Variants in HIRA observed in about 807,000 individuals in gnomAD.
HIRA encodes histone cell cycle regulator.
In HIRA, 13 loss-of-function variants were observed where a neutral mutation model predicts 126.6. The observed-to-expected ratio is 0.10, with a 90% CI of 0.07 to 0.16. The LOEUF is 0.16. Ranked by LOEUF, HIRA falls within the 10% of genes least tolerant of loss-of-function variation. The pLI is 1.00. For missense variants in HIRA, 834 were observed against 1,314.4 expected (o/e 0.63, Z 5.65); for synonymous variants, 511 against 520.0 (o/e 0.98, Z 0.24).
chr22:19,385,430 A>G, intron 12 of HIRA, 91 bp downstream of exon 12: 1 of 1,295,646 alleles, frequency 7.7e-7, no homozygotes, highest in Non-Finnish European at 1.1e-6. Context: ...CACTCTAAAC[A>G]AACCCCTTCC....
At chr22:19,360,867 G>A (rs1395158920) in intron 17 of HIRA, among the ~76,000 whole-genome samples, 1 of 152,244 alleles carries the variant, frequency 6.6e-6, no homozygotes. Flanking sequence ...GATAGATTAT[G>A]ACCACACATT....
chr22:19,337,846 C>G (rs553099302), intron 24 of HIRA, among the ~76,000 whole-genome samples: 2 of 152,114 alleles, frequency 1.3e-5, no homozygotes, highest in African/African-American at 4.8e-5. Flanking sequence ...GGCTGGAGTG[C>G]AGTGGTGCAA....
chr22:19,359,231 C>T (rs1405222715), intron 18 of HIRA, 105 bp downstream of exon 18: 10 of 1,230,294 alleles, frequency 8.1e-6, no homozygotes, highest in Admixed American at 3.1e-5. Context: ...TCTGTGGGAG[C>T]TGGTGCTCCC....
At position 19,358,153 on chromosome 22, in the gene HIRA, C is replaced by T. The variant is rs140185379; in HGVS notation, c.2235-1102G>A. On this transcript the variant is annotated intron_variant, in intron 18 of 24. Transcript: ENST00000263208. Reference sequence around the variant, plus strand: ...TAGCTGGGATTACAGGCACATGCTACCACGCCTGGCTAATTTTTGTATTTT... The same window carrying T: ...TAGCTGGGATTACAGGCACATGCTATCACGCCTGGCTAATTTTTGTATTTT... Among the ~76,000 whole-genome samples, 12 of 152,254 alleles carry T rather than the reference C, an allele frequency of 7.9e-5. 1 individual carries two copies. The East Asian group carries it at 2.3e-3, about 29-fold the overall frequency.
intron 2 of HIRA, among the ~76,000 whole-genome samples, 194 bp downstream of exon 2, chr22:19,410,522 C>G (rs1295417948): frequency 6.6e-6 from 1 of 152,226 alleles, no homozygotes; most frequent in Non-Finnish European, 1.5e-5. Flanking sequence ...AAAATACTTA[C>G]AGAGAGCACA....
intron 15 of HIRA, among the ~76,000 whole-genome samples, chr22:19,370,996 A>G (rs1464888205): frequency 3.9e-5 from 6 of 152,200 alleles, no homozygotes; most frequent in South Asian, 4.1e-4. Context: ...TCTAAGGGCT[A>G]TCCTCCTGGC....
At chr22:19,343,952 T>A (rs2088660194) in intron 24 of HIRA, among the ~76,000 whole-genome samples, 1 of 150,720 alleles carries the variant, frequency 6.6e-6, no homozygotes, top group South Asian at 2.1e-4. Flanking sequence ...CCTCAAGTGA[T>A]CTTCCCACCT....
Position 19,401,935 on chromosome 22 carries a change from C to T in HIRA, c.398-3848G>A, listed in dbSNP as rs551935670. On this transcript the variant is annotated intron_variant, in intron 5 of 24. Transcript: ENST00000263208. The stretch of plus-strand genomic sequence containing the variant: ...CTTGCTCAGAGAAGAGCCTCTGCCA[C>T]GGTCTCAAAGGCACACTGCCTCCCG... Among the ~76,000 whole-genome samples, 3 of 152,298 alleles carry T rather than the reference C, an allele frequency of 2.0e-5. No homozygotes were observed. In the South Asian group the frequency reaches 6.2e-4, roughly 32 times the overall value.
rs371731146 is a variant in HIRA, at chr22:19,347,145, A to G, written c.2937+4213T>C. ...CAGGTTTCTGCCTGCCTCCCACTCT[A>G]GTAGATGGCTCATCGGCCTGTCCTG... On this transcript the variant is annotated intron_variant, in intron 24 of 24. Transcript: ENST00000263208. 1.5e-4 allele frequency among the ~76,000 whole-genome samples: 23 copies of G among 152,300 alleles called. No individual in the cohort carries two copies. In the East Asian group the frequency reaches 3.9e-3, roughly 26 times the overall value.
Position 19,405,855 on chromosome 22 carries a change from C to T in HIRA, c.328G>A (p.Gly110Ser), listed in dbSNP as rs750666438. Residue 110 changes from glycine (G) to serine (S), a missense_variant, in exon 5 of 25, where the codon GGC becomes AGC. This residue lies in a region of HIRA where 102 missense variants were observed against 191.4 expected (regional missense o/e 0.53). Transcript: ENST00000263208. ...ACATTGGCAAGCTTACCACTGGAGC[C>T]GAACACGGTGCTGGGGCCGATGTAC... ...ATYIGPSTVF[G>S]SSGKLANVEQ... 1.9e-5 allele frequency: 28 copies of T among 1,505,946 alleles called. No individual in the cohort carries two copies. Among genetic ancestry groups the T allele is most frequent in the African/African-American group, 1.8e-4 (13 of 70,396 alleles). 93.3% of individuals were successfully genotyped at this position (1,505,946 alleles called of 1,614,324 possible).
In HIRA at chr22:19,396,910, G is replaced by T; in HGVS notation, c.531C>A (p.Val177=). The change falls in exon 7 of 25, where the codon GTC becomes GTA. Residue 177 remains valine, a synonymous_variant. Coordinates refer to ENST00000263208, the MANE Select transcript of HIRA (RefSeq NM_003325.4). ...CAACAGGGTCCCATGTCAACCCTTT[G>T]ACCAAGCCAGAATGACCTCTCAGAG... ...LATLRGHSGL[V]KGLTWDPVGK... The T allele has an allele frequency of 6.2e-7, 1 of 1,614,144 alleles. No homozygotes were observed. Among genetic ancestry groups the T allele is most frequent in the Non-Finnish European group, 8.5e-7 (1 of 1,180,008 alleles).
intron 24 of HIRA, among the ~76,000 whole-genome samples, chr22:19,335,397 A>T (rs1248851226): frequency 6.6e-6 from 1 of 152,072 alleles, no homozygotes; most frequent in African/African-American, 2.4e-5. Context: ...GGCATGTGCC[A>T]CCACACCCGG....
At chr22:19,366,297 G>C (rs2146202055) in intron 15 of HIRA, among the ~76,000 whole-genome samples, 1 of 151,922 alleles carries the variant, frequency 6.6e-6, no homozygotes, top group South Asian at 2.1e-4. Flanking sequence ...GGGAGGTGGA[G>C]CTTGCAGTGA....
chr22:19,365,289 T>C (rs933057605), intron 15 of HIRA, among the ~76,000 whole-genome samples: 1 of 152,198 alleles, frequency 6.6e-6, no homozygotes, highest in African/African-American at 2.4e-5. Context: ...AACAACAGAT[T>C]GTCAGTGTAG....
At chr22:19,364,406 T>A (rs2088893632) in intron 15 of HIRA, among the ~76,000 whole-genome samples, 1 of 152,184 alleles carries the variant, frequency 6.6e-6, no homozygotes, top group African/African-American at 2.4e-5. Context: ...GAGACTATGT[T>A]TTTTTTACAA....
At chr22:19,344,851 C>T (rs2088668986) in intron 24 of HIRA, among the ~76,000 whole-genome samples, 1 of 152,114 alleles carries the variant, frequency 6.6e-6, no homozygotes, top group African/African-American at 2.4e-5. Flanking sequence ...CACTGTAATA[C>T]ATCACATTAA....
chr22:19,403,028 A>G (rs1433270984), intron 5 of HIRA, among the ~76,000 whole-genome samples: 1 of 150,072 alleles, frequency 6.7e-6, no homozygotes, highest in Non-Finnish European at 1.5e-5. Flanking sequence ...ACCTGAGCCC[A>G]GGAGTTCAAG....
At chr22:19,388,356 T>C (rs1009046527) in intron 10 of HIRA, 128 bp downstream of exon 10, 2 of 672,096 alleles carry the variant, frequency 3.0e-6, no homozygotes, top group Admixed American at 4.6e-5. Flanking sequence ...GCACTCTTGG[T>C]CTGCGCTACT....
chr22:19,357,201 G>T, intron 18 of HIRA, 150 bp from the exon 19 acceptor site: 1 of 841,964 alleles, frequency 1.2e-6, no homozygotes, highest in Non-Finnish European at 1.9e-6. Flanking sequence ...ATTGGGTCAG[G>T]GTAGGGCTGG....
Sources: allele counts gnomAD v4.1 joint callset (sites outside exome capture counted in the v4.1 genomes callset), GRCh38; gene constraint gnomAD v4.1.1; regional missense constraint gnomAD v4.1.1; transcripts MANE v1.5; gene names NCBI Gene and HGNC (gene_info 2026-07-23, HGNC 2026-07-21).